Variants in ZNF718 observed in about 807,000 individuals in gnomAD.
ZNF718 encodes zinc finger protein 718.
Under a neutral mutation model 2.6 loss-of-function variants are expected in ZNF718, and 3 were observed. The observed-to-expected ratio is 1.16, with a 90% CI of 0.53 to 3.01. ZNF718 has a LOEUF of 3.01. Among genes scored for constraint, ZNF718 ranks in the 30% most tolerant of loss-of-function variants. The pLI is 0.03. For synonymous variants in ZNF718, 135 were observed against 77.9 expected (o/e 1.73, Z -3.86); for missense variants, 468 against 230.0 (o/e 2.03, Z -6.69).
chr4:175,984 G>C (rs1717338934), intron 3 of ZNF718, among the ~76,000 whole-genome samples: 1 of 149,766 alleles, frequency 6.7e-6, no homozygotes, highest in South Asian at 2.1e-4. Context: ...AGCCTCCCAA[G>C]TAGCTGGGAC....
At chr4:144,381 C>G (rs1553810811) in intron 3 of ZNF718, among the ~76,000 whole-genome samples, 4 of 152,176 alleles carry the variant, frequency 2.6e-5, no homozygotes, top group Non-Finnish European at 1.5e-5. Flanking sequence ...TACTGTTTTA[C>G]TGATCAGTTT....
intron 3 of ZNF718, among the ~76,000 whole-genome samples, chr4:190,858 G>T (rs1425061967): frequency 6.6e-6 from 1 of 151,934 alleles, no homozygotes; most frequent in Non-Finnish European, 1.5e-5. Context: ...GACTAACATA[G>T]GGAAACCCCG....
chr4:133,971 G>A (rs998760640), intron 3 of ZNF718, among the ~76,000 whole-genome samples: 3 of 152,172 alleles, frequency 2.0e-5, no homozygotes, highest in East Asian at 3.8e-4. Flanking sequence ...ATACATTACA[G>A]TATTACTAAC....
chr4:182,402 TTATATTTA>T lies in ZNF718; in HGVS notation c.227-18677_227-18670del, dbSNP rs1280171272. 8.7e-5 allele frequency among the ~76,000 whole-genome samples: 12 copies of T among 137,932 alleles called. 1 individual carries two copies. Among genetic ancestry groups the T allele is most frequent in the South Asian group, 4.9e-4 (2 of 4,062 alleles). The allele number at this position is 137,932 out of a possible 152,430, so 90.5% of individuals were successfully genotyped here. ...ATCTCATTGTAGTTTTGATTTTGATTTATATTTATTTATTTATTTATTTATTTATTTAT... is the reference window on the plus strand; with the variant it reads ...ATCTCATTGTAGTTTTGATTTTGATTTTTATTTATTTATTTATTTATTTAT... On this transcript the variant is annotated intron_variant and NMD_transcript_variant, in intron 3 of 4. Transcript: ENST00000642529.
In ZNF718 at chr4:161,553, A is replaced by G. The variant is rs548663866; in HGVS notation, c.868A>G (p.Lys290Glu). Residue 290 changes from lysine to glutamate, a missense_variant, in exon 4 of 4, where the codon AAA becomes GAA. Transcript: ENST00000510175. ...ATACTACAAATGTGAAGAATGTGGT[A>G]AAGCCTTTAAGTGGTCCTCATCCCT... ...QKYYKCEECG[K>E]AFKWSSSLNE... is the part of the protein sequence containing the mutation. 1.3e-6 allele frequency: 1 copy of G among 780,958 alleles called. No homozygotes were observed. The allele number at this position is 780,958 out of a possible 1,614,324, so 48.4% of individuals were successfully genotyped here.
intron 3 of ZNF718, among the ~76,000 whole-genome samples, chr4:141,861 G>T (rs562527208): frequency 6.6e-6 from 1 of 152,196 alleles, no homozygotes; most frequent in South Asian, 2.1e-4. Flanking sequence ...TGGTCACCTG[G>T]TGGGCCATTT....
intron 3 of ZNF718, among the ~76,000 whole-genome samples, chr4:180,086 C>G (rs1228363093): frequency 3.9e-5 from 6 of 152,122 alleles, no homozygotes; most frequent in Non-Finnish European, 7.4e-5. Context: ...AAGAAAGCAT[C>G]TGGATAACGT....
At chr4:172,747 G>A (rs782012817) in intron 3 of ZNF718, among the ~76,000 whole-genome samples, 1 of 152,072 alleles carries the variant, frequency 6.6e-6, no homozygotes, top group Non-Finnish European at 1.5e-5. Flanking sequence ...TTATACATGT[G>A]TGTGTAAATG....
At chr4:146,077 CTATATATATATA>C (rs5742061) in intron 3 of ZNF718, among the ~76,000 whole-genome samples, 2,475 of 143,060 alleles carry the variant, frequency 0.017, 86 homozygotes, top group African/African-American at 0.059. Context: ...ATATAGCCTT[CTATATATATATA>C]TATATATATA....
chr4:135,732 TTATA>T (rs1303050207), intron 3 of ZNF718, among the ~76,000 whole-genome samples: 3 of 77,634 alleles, frequency 3.9e-5, no homozygotes, highest in Non-Finnish European at 5.2e-5. Context: ...TACTCTAGAG[TTATA>T]TATATGTGCA....
Position 162,276 on chromosome 4 carries a change from C to A in ZNF718, c.*154C>A. The stretch of plus-strand genomic sequence containing the variant: ...TAAGAGAAATGGTATTGGTGAGAAG[C>A]CATAAAAATATGAAAAATGTGGAAA... On this transcript the variant is annotated 3_prime_UTR_variant, in exon 4 of 4. Coordinates refer to ENST00000510175, the MANE Select transcript of ZNF718 (RefSeq NM_001039127.6). 4.1e-6 allele frequency: 2 copies of A among 489,472 alleles called. No individual in the cohort carries two copies. Among genetic ancestry groups the A allele is most frequent in the South Asian group, 4.8e-5 (1 of 20,752 alleles). 30.3% of individuals were successfully genotyped at this position (489,472 alleles called of 1,614,324 possible).
chr4:194,801 T>C (rs1717759675), intron 3 of ZNF718, among the ~76,000 whole-genome samples: 1 of 152,202 alleles, frequency 6.6e-6, no homozygotes, highest in Non-Finnish European at 1.5e-5. Context: ...ATTTTTGCCT[T>C]GGGGGAATGT....
At chr4:159,721 CATT>C (rs1318956156) in intron 3 of ZNF718, among the ~76,000 whole-genome samples, 2 of 152,084 alleles carry the variant, frequency 1.3e-5, no homozygotes, top group Non-Finnish European at 2.9e-5. Flanking sequence ...CTATTTCACT[CATT>C]GAGCATTATT....
chr4:137,719 G>A (rs782529160), intron 3 of ZNF718, among the ~76,000 whole-genome samples: 29 of 151,586 alleles, frequency 1.9e-4, no homozygotes, highest in Non-Finnish European at 3.7e-4. Flanking sequence ...AGTTTATTCT[G>A]GGTGTTAACT....
intron 3 of ZNF718, among the ~76,000 whole-genome samples, chr4:139,625 C>G (rs1355528122): frequency 3.3e-5 from 5 of 152,216 alleles, no homozygotes; most frequent in African/African-American, 1.2e-4. Context: ...TAAATCACTT[C>G]ATGCCTTCCT....
At chr4:198,209 A>G (rs1468465772) in intron 3 of ZNF718, among the ~76,000 whole-genome samples, 1 of 152,074 alleles carries the variant, frequency 6.6e-6, no homozygotes, top group Non-Finnish European at 1.5e-5. Context: ...GCAGCACAAT[A>G]AAGTTGATGT....
At chr4:139,213 G>A (rs1553809919) in intron 3 of ZNF718, among the ~76,000 whole-genome samples, 1 of 152,128 alleles carries the variant, frequency 6.6e-6, no homozygotes, top group Admixed American at 6.5e-5. Context: ...TAATTTCCTG[G>A]AGAGTTTCAC....
intron 1 of ZNF718, among the ~76,000 whole-genome samples, chr4:125,749 A>G (rs1715180740): frequency 6.6e-6 from 1 of 152,040 alleles, no homozygotes; most frequent in Non-Finnish European, 1.5e-5. Flanking sequence ...GCCCCCACCC[A>G]ATGCTAACCC....
chr4:133,066 A>G lies in ZNF718; in HGVS notation c.226+1561A>G, dbSNP rs1715384739. On this transcript the variant is annotated intron_variant, in intron 3 of 3. Transcript: ENST00000510175. ...GTTGTGCGCACCTGTAATCCCAGCT[A>G]CTTGGGAGGCTGAGGTAGGAGAATT... Among the ~76,000 whole-genome samples, 2 of 93,570 alleles carry G rather than the reference A, an allele frequency of 2.1e-5. 1 individual carries two copies. The highest frequency in any genetic ancestry group is 4.6e-5 in the Non-Finnish European group (2 of 43,390). 61.4% of individuals were successfully genotyped at this position (93,570 alleles called of 152,430 possible). A position where few individuals can be genotyped will look rare whatever the true frequency, so the allele number is the denominator to read the frequency against.
Sources: gnomAD v4.1 joint callset for allele counts (sites outside exome capture counted in the v4.1 genomes callset) on GRCh38, gnomAD v4.1.1 for gene constraint, MANE v1.5 for transcripts, NCBI Gene and HGNC (gene_info 2026-07-23, HGNC 2026-07-21) for gene names.